Variants in FETUB observed in about 807,000 individuals in gnomAD.
FETUB encodes fetuin-B.
In FETUB, 28 loss-of-function variants were observed where a neutral mutation model predicts 30.9. The observed-to-expected ratio is 0.90, with a 90% CI of 0.67 to 1.24. FETUB has a LOEUF of 1.24. FETUB is among the 50% of genes most tolerant of loss of function. FETUB has a pLI of 0.00. For missense variants in FETUB, 469 were observed against 455.3 expected (o/e 1.03, Z -0.27); for synonymous variants, 186 against 175.9 (o/e 1.06, Z -0.45).
Position 186,652,615 on chromosome 3 carries a change from T to C in FETUB, c.1133T>C (p.Leu378Pro). The C allele has an allele frequency of 6.2e-7, 1 of 1,606,338 alleles. No individual in the cohort carries two copies. The highest frequency in any genetic ancestry group is 8.5e-7 in the Non-Finnish European group (1 of 1,177,346). The change falls in exon 7 of 7, where the codon CTT (leucine) becomes CCT (proline). Residue 378 changes from leucine (L) to proline (P), a missense_variant. By Grantham distance (98) the Leu-to-Pro change is moderately conservative (BLOSUM62 -3). Transcript: ENST00000265029. ...GGGCCAGCCCAGAATGCCAGCCCTC[T>C]TGTCCTTCCGCCATGAGAATCACAC... Reference protein sequence around the residue: ...CPGPAQNASPLVLPP With the variant: ...CPGPAQNASPPVLPP
In FETUB at chr3:186,644,949, C is replaced by T. The variant is rs145489603; in HGVS notation, c.594+29C>T. ...AGGCTAAAACTGCCCAAGCCAGTTA[C>T]ACAGTGTGTCTCATAACTGTTGCTG... is the stretch of plus-strand genomic sequence containing the variant. On this transcript the variant is annotated intron_variant, in intron 4 of 6. Transcript: ENST00000265029. The T allele has an allele frequency of 1.4e-5, 22 of 1,575,766 alleles. No homozygotes were observed. The African/African-American group carries it at 2.2e-4, about 16-fold the overall frequency.
chr3:186,636,949 G>T (rs1177492198), upstream of FETUB, among the ~76,000 whole-genome samples: 1 of 152,144 alleles, frequency 6.6e-6, no homozygotes, highest in Admixed American at 6.5e-5. Flanking sequence ...CCCTTGGTGC[G>T]TTCCTAGCAT....
chr3:186,648,427 A>G (rs6767451), intron 5 of FETUB, among the ~76,000 whole-genome samples: 85,354 of 152,088 alleles, frequency 0.56, 25,245 homozygotes, highest in African/African-American at 0.74. Context: ...GAACATTTAA[A>G]TCCTCCTATT....
Position 186,640,598 on chromosome 3 carries a change from C to T in FETUB, c.138C>T (p.Gly46=). The T allele has an allele frequency of 6.2e-7, 1 of 1,614,164 alleles. No homozygotes were observed. The highest frequency in any genetic ancestry group is 1.6e-4 in the Middle Eastern group (1 of 6,062). The change falls in exon 1 of 7, where the codon GGC becomes GGT. Residue 46 remains glycine, a synonymous_variant. Transcript: ENST00000265029. Reference sequence around the variant, plus strand: ...ACTCAGATGTGCTGGCAGTTGCAGGCTTTGCCCTGCGGGATATTAACAAAG... The same window carrying T: ...ACTCAGATGTGCTGGCAGTTGCAGGTTTTGCCCTGCGGGATATTAACAAAG... ...CNDSDVLAVA[G]FALRDINKDR...
chr3:186,651,051 G>T lies in FETUB; in HGVS notation c.697-167G>T, dbSNP rs952609063. 6 of 572,976 alleles carry T rather than the reference G, an allele frequency of 1.0e-5. No individual in the cohort carries two copies. The African/African-American group carries it at 1.1e-4, about 11-fold the overall frequency. 35.5% of individuals were successfully genotyped at this position (572,976 alleles called of 1,614,324 possible). A position where few individuals can be genotyped will look rare whatever the true frequency, so the allele number is the denominator to read the frequency against. On this transcript the variant is annotated intron_variant, in intron 5 of 6. Coordinates refer to ENST00000265029, the MANE Select transcript of FETUB (RefSeq NM_014375.3). ...GGAGGCAATTTAGCCTAATTTGGAT[G>T]ATTTCTTGGTAGGGGTGATCTAGAA...
chr3:186,640,695 G>A lies in FETUB; in HGVS notation c.225+10G>A, dbSNP rs771574066. 1 of 1,608,354 alleles carries A rather than the reference G, an allele frequency of 6.2e-7. No individual in the cohort carries two copies. The highest frequency in any genetic ancestry group is 8.5e-7 in the Non-Finnish European group (1 of 1,174,798). On this transcript the variant is annotated intron_variant, in intron 1 of 6. Coordinates refer to ENST00000265029, the MANE Select transcript of FETUB (RefSeq NM_014375.3). ...CCAGGAATACAGACGGGCAAGTAGG[G>A]ACAGTTCCCACTCTGGGGCAGGGAT...
Position 186,652,451 on chromosome 3 carries a change from C to G in FETUB, c.969C>G (p.Ala323=). The G allele has an allele frequency of 6.2e-7, 1 of 1,614,118 alleles. No individual in the cohort carries two copies. Among genetic ancestry groups the G allele is most frequent in the Non-Finnish European group, 8.5e-7 (1 of 1,179,994 alleles). The change falls in exon 7 of 7, where the codon GCC becomes GCG. Residue 323 remains alanine (A), a synonymous_variant. Coordinates refer to ENST00000265029, the MANE Select transcript of FETUB (RefSeq NM_014375.3). ...KNSQEKGPQE[A]FPVHLDLTTN... ...CCCAGGAAAAGGGCCCTCAGGAGGC[C>G]TTTCCTGTGCATCTGGACCTAACCA...
At chr3:186,639,598 T>C (rs1427536535), upstream of FETUB, among the ~76,000 whole-genome samples, 1 of 146,216 alleles carries the variant, frequency 6.8e-6, no homozygotes, top group African/African-American at 2.5e-5. Flanking sequence ...TTTTAAAAGA[T>C]AATTGTCTTT....
In FETUB at chr3:186,642,476, T is replaced by C. The variant is rs1717146608; in HGVS notation, c.342T>C (p.Tyr114=). The change falls in exon 3 of 7, where the codon TAT becomes TAC. Residue 114 remains tyrosine, a synonymous_variant. Transcript: ENST00000265029. ...CGMRIFFESV[Y]GQCKAIFYMN... is the part of the protein sequence containing the mutation. ...AATGCATTTGTTGGTTTCAGGTTTA[T>C]GGTCAATGCAAAGCAATATTTTATA... The C allele has an allele frequency of 6.3e-7, 1 of 1,591,520 alleles. No individual in the cohort carries two copies. The highest frequency in any genetic ancestry group is 1.1e-5 in the South Asian group (1 of 89,772).
chr3:186,642,997 C>T (rs1717195121), intron 3 of FETUB, among the ~76,000 whole-genome samples: 1 of 152,204 alleles, frequency 6.6e-6, no homozygotes, highest in Admixed American at 6.5e-5. Flanking sequence ...ATGCCCTCCC[C>T]TGATGACCTC....
At chr3:186,643,746 C>T (rs1409107457) in intron 3 of FETUB, among the ~76,000 whole-genome samples, 1 of 152,100 alleles carries the variant, frequency 6.6e-6, no homozygotes, top group African/African-American at 2.4e-5. Flanking sequence ...CCCATTATCT[C>T]CACCAGTCCC....
intron 6 of FETUB, 141 bp downstream of exon 6, chr3:186,651,442 AC>A: frequency 1.5e-6 from 1 of 659,102 alleles, no homozygotes; most frequent in South Asian, 1.7e-5. Context: ...GTCCACATCC[AC>A]AGGATAGCCA....
chr3:186,650,910 G>A (rs1052977004), intron 5 of FETUB, among the ~76,000 whole-genome samples: 1 of 152,158 alleles, frequency 6.6e-6, no homozygotes, highest in Non-Finnish European at 1.5e-5. Context: ...TTGACCCAAG[G>A]GTAGAACTAA....
chr3:186,645,055 T>C, intron 4 of FETUB, 135 bp downstream of exon 4: 2 of 605,092 alleles, frequency 3.3e-6, no homozygotes, highest in South Asian at 2.4e-5. Context: ...TTCCCCACTT[T>C]GATAGACCTG....
chr3:186,642,248 A>C (rs1717120330), intron 2 of FETUB: 2 of 507,322 alleles, frequency 3.9e-6, no homozygotes, highest in Admixed American at 7.3e-5. Context: ...TCAATTATAC[A>C]CAGTCACACG....
chr3:186,652,263 G>C lies in FETUB; in HGVS notation c.781G>C (p.Ala261Pro). 1.3e-6 allele frequency: 2 copies of C among 1,540,548 alleles called. No homozygotes were observed. Among genetic ancestry groups the C allele is most frequent in the Non-Finnish European group, 8.7e-7 (1 of 1,149,400 alleles). ...SVTCDFFESQ[A>P]PATGSENSAV... Reference sequence around the variant, plus strand: ...ACATTCAAAAATGTTCTCATTCCAGGCTCCAGCCACTGGAAGTGAAAACTC... The same window carrying C: ...ACATTCAAAAATGTTCTCATTCCAGCCTCCAGCCACTGGAAGTGAAAACTC... Residue 261 changes from alanine to proline, a missense_variant and splice_region_variant, in exon 7 of 7, where the codon GCT becomes CCT. Physicochemically the swap from Ala to Pro is conservative, Grantham distance 27 (BLOSUM62 -1). Transcript: ENST00000265029.
intron 2 of FETUB, 105 bp downstream of exon 2, chr3:186,641,245 C>A: frequency 5.7e-6 from 4 of 698,326 alleles, no homozygotes; most frequent in South Asian, 1.7e-5. Context: ...TTTTAAATGG[C>A]CCACTTTATA....
intron 5 of FETUB, 71 bp downstream of exon 5, chr3:186,646,420 T>C: frequency 1.7e-6 from 2 of 1,159,546 alleles, no homozygotes; most frequent in East Asian, 4.7e-5. Flanking sequence ...GGAGCATAAA[T>C]TACATATGAG....
intron 1 of FETUB, 35 bp from the exon 2 acceptor site, chr3:186,640,995 T>C: frequency 1.5e-6 from 2 of 1,350,850 alleles, no homozygotes; most frequent in Non-Finnish European, 2.1e-6. Context: ...CTACTTCCTG[T>C]GAAATGTATT....
Sources: allele counts gnomAD v4.1 joint callset (sites outside exome capture counted in the v4.1 genomes callset), GRCh38; gene constraint gnomAD v4.1.1; transcripts MANE v1.5; gene names NCBI Gene and HGNC (gene_info 2026-07-23, HGNC 2026-07-21).